ERC2: variants seen among roughly 807,000 people sequenced by gnomAD.
The protein encoded by ERC2 is ERC protein 2.
A neutral mutation model predicts 114.8 loss-of-function variants in ERC2; 42 were observed. The observed-to-expected ratio is 0.37, with a 90% CI of 0.29 to 0.47. The LOEUF (loss-of-function observed/expected upper bound fraction) is 0.47. ERC2 is among the 20% of genes least tolerant of loss of function. The probability of loss-of-function intolerance (pLI) is 0.99; values close to 1 mark genes in which losing one functional copy is unlikely to be tolerated. For missense variants in ERC2, 939 were observed against 1,150.7 expected (o/e 0.82, Z 2.66); for synonymous variants, 454 against 425.5 (o/e 1.07, Z -0.82).
intron 6 of ERC2, among the ~76,000 whole-genome samples, chr3:56,095,686 T>C (rs942744586): frequency 6.6e-6 from 1 of 152,182 alleles, no homozygotes. Flanking sequence ...AAGATTCCTA[T>C]GAGGAACTAA....
intron 8 of ERC2, among the ~76,000 whole-genome samples, chr3:56,017,484 A>G (rs960367141): frequency 6.6e-6 from 1 of 152,070 alleles, no homozygotes; most frequent in Non-Finnish European, 1.5e-5. Flanking sequence ...GTAAAAGCCA[A>G]TTTTTAAAAA....
At chr3:55,826,947 G>A (rs531452770) in intron 14 of ERC2, among the ~76,000 whole-genome samples, 2 of 152,342 alleles carry the variant, frequency 1.3e-5, no homozygotes, top group South Asian at 2.1e-4. Flanking sequence ...CGGCTGAAGT[G>A]AGAGGCCACC....
At chr3:55,845,483 G>T (rs1475690923) in intron 14 of ERC2, among the ~76,000 whole-genome samples, 3 of 118,818 alleles carry the variant, frequency 2.5e-5, no homozygotes, top group Non-Finnish European at 4.8e-5. Flanking sequence ...CAGCCTGGGC[G>T]ACAGAGCGAG....
At chr3:55,905,717 C>T (rs2064395071) in intron 13 of ERC2, among the ~76,000 whole-genome samples, 1 of 152,106 alleles carries the variant, frequency 6.6e-6, no homozygotes, top group Non-Finnish European at 1.5e-5. Flanking sequence ...TTGTCAAGAC[C>T]CCTACTCAAC....
intron 2 of ERC2, among the ~76,000 whole-genome samples, chr3:56,364,255 A>G (rs1361086697): frequency 6.6e-6 from 1 of 152,190 alleles, no homozygotes; most frequent in East Asian, 1.9e-4. Flanking sequence ...ATGGAGAGCT[A>G]TTGCTAAGTG....
intron 17 of ERC2, among the ~76,000 whole-genome samples, chr3:55,531,152 A>G (rs958877155): frequency 3.3e-5 from 5 of 152,034 alleles, no homozygotes; most frequent in Admixed American, 2.6e-4. Flanking sequence ...AGGAGGAAAG[A>G]CTTGATTATT....
chr3:55,755,342 G>T (rs953806188), intron 14 of ERC2, among the ~76,000 whole-genome samples: 8 of 152,088 alleles, frequency 5.3e-5, no homozygotes, highest in Admixed American at 2.0e-4. Flanking sequence ...AAATGCAGGG[G>T]ATGAGGTTAA....
chr3:55,605,297 T>C (rs554470132), intron 17 of ERC2, among the ~76,000 whole-genome samples: 1 of 152,076 alleles, frequency 6.6e-6, no homozygotes, highest in Non-Finnish European at 1.5e-5. Context: ...TTTATTCTTT[T>C]GTTGCCCAGG....
At chr3:55,822,173 G>A (rs2060150661) in intron 14 of ERC2, among the ~76,000 whole-genome samples, 1 of 152,148 alleles carries the variant, frequency 6.6e-6, no homozygotes. Context: ...TAAATGTTCT[G>A]AGATTTGAAA....
intron 7 of ERC2, among the ~76,000 whole-genome samples, chr3:56,073,330 G>A (rs1432055858): frequency 2.0e-5 from 3 of 152,116 alleles, no homozygotes; most frequent in Non-Finnish European, 4.4e-5. Flanking sequence ...TATTTATTGG[G>A]GGGCAGAGGT....
chr3:56,350,035 AC>A (rs1381465334), intron 2 of ERC2, among the ~76,000 whole-genome samples: 1 of 152,202 alleles, frequency 6.6e-6, no homozygotes, highest in African/African-American at 2.4e-5. Context: ...AGGCACATAT[AC>A]CCCTGAAACT....
intron 3 of ERC2, among the ~76,000 whole-genome samples, chr3:56,289,319 C>G (rs2054928735): frequency 6.6e-6 from 1 of 152,198 alleles, no homozygotes; most frequent in Non-Finnish European, 1.5e-5. Context: ...CCATGGCCAC[C>G]ACCCAGATTC....
chr3:56,425,565 T>TC (rs1553626024), intron 2 of ERC2, among the ~76,000 whole-genome samples: 8 of 60,482 alleles, frequency 1.3e-4, no homozygotes, highest in East Asian at 3.7e-4. Flanking sequence ...TTTTTCTTTT[T>TC]TTTTTTTTTT....
intron 2 of ERC2, among the ~76,000 whole-genome samples, chr3:56,297,951 A>C (rs1168264553): frequency 1.3e-5 from 2 of 152,194 alleles, no homozygotes; most frequent in African/African-American, 4.8e-5. Flanking sequence ...CCATTTATGA[A>C]TGTCCATTGA....
At chr3:55,874,794 G>A (rs529355721) in intron 14 of ERC2, among the ~76,000 whole-genome samples, 24 of 152,156 alleles carry the variant, frequency 1.6e-4, no homozygotes, top group Non-Finnish European at 2.6e-4. Context: ...CTGGACAGCC[G>A]TTACCACGTA....
chr3:56,107,358 T>A (rs9880824), intron 6 of ERC2, among the ~76,000 whole-genome samples: 26,047 of 151,764 alleles, frequency 0.17, 2,446 homozygotes, highest in African/African-American at 0.23. Context: ...AAGCTTCCCA[T>A]TCCTTCTTTA....
At chr3:55,894,566 T>G (rs889254599) in intron 13 of ERC2, among the ~76,000 whole-genome samples, 25 of 152,336 alleles carry the variant, frequency 1.6e-4, no homozygotes, top group African/African-American at 5.3e-4. Flanking sequence ...CAGGTACTTC[T>G]TCAAACTTCA....
At chr3:55,680,583 T>C (rs962705241) in intron 17 of ERC2, among the ~76,000 whole-genome samples, 4 of 152,240 alleles carry the variant, frequency 2.6e-5, no homozygotes, top group Non-Finnish European at 4.4e-5. Flanking sequence ...AGATAGGGAA[T>C]ACAGTTAGGC....
chr3:55,578,911 A>G (rs1490289815), intron 17 of ERC2, among the ~76,000 whole-genome samples: 1 of 152,044 alleles, frequency 6.6e-6, no homozygotes, highest in Non-Finnish European at 1.5e-5. Flanking sequence ...TTGTTTTCAC[A>G]TGGTTAGGCA....
Sources: gnomAD v4.1 joint callset for allele counts (sites outside exome capture counted in the v4.1 genomes callset) on GRCh38, gnomAD v4.1.1 for gene constraint, MANE v1.5 for transcripts, NCBI Gene and HGNC (gene_info 2026-07-23, HGNC 2026-07-21) for gene names.